Variants in CCBE1 observed in about 807,000 individuals in gnomAD.
The protein encoded by CCBE1 is collagen and calcium binding EGF domains 1.
A neutral mutation model predicts 50.0 loss-of-function variants in CCBE1; 37 were observed. The ratio of observed to expected loss-of-function variants is 0.74; its 90% CI spans 0.57 to 0.97. The LOEUF is 0.97. CCBE1 is among the 50% of genes least tolerant of loss of function. The pLI is 0.00. For missense variants in CCBE1, 538 were observed against 523.8 expected (o/e 1.03, Z -0.26); for synonymous variants, 234 against 203.7 (o/e 1.15, Z -1.27).
intron 2 of CCBE1, among the ~76,000 whole-genome samples, chr18:59,609,361 A>C (rs114235707): frequency 5.3e-5 from 8 of 152,204 alleles, no homozygotes; most frequent in Admixed American, 1.3e-4. Context: ...CAGATGTGTC[A>C]AACTTAGTAG....
intron 2 of CCBE1, among the ~76,000 whole-genome samples, chr18:59,613,990 C>A (rs2053605512): frequency 6.8e-6 from 1 of 148,112 alleles, no homozygotes; most frequent in East Asian, 2.1e-4. Flanking sequence ...TCTCGTTCTT[C>A]AGCCACCTGA....
intron 2 of CCBE1, among the ~76,000 whole-genome samples, chr18:59,569,350 A>C (rs2052873825): frequency 6.6e-6 from 1 of 152,250 alleles, no homozygotes; most frequent in Non-Finnish European, 1.5e-5. Flanking sequence ...TCTGGTAATA[A>C]AAACAGATAT....
chr18:59,572,003 C>A (rs145766105), intron 2 of CCBE1, among the ~76,000 whole-genome samples: 15 of 152,282 alleles, frequency 9.9e-5, no homozygotes, highest in African/African-American at 3.4e-4. Context: ...CAGCCTACAT[C>A]CTTTTCAGAA....
chr18:59,483,760 G>A (rs11873758), intron 2 of CCBE1, among the ~76,000 whole-genome samples: 7,638 of 152,232 alleles, frequency 0.05, 278 homozygotes, highest in Middle Eastern at 0.11. Context: ...AGTGGTGGTA[G>A]ATATCTTACT....
chr18:59,573,110 C>A (rs1008597414), intron 2 of CCBE1, among the ~76,000 whole-genome samples: 2 of 151,288 alleles, frequency 1.3e-5, no homozygotes, highest in African/African-American at 2.4e-5. Context: ...CATGGTAAAA[C>A]CCTGTCTCTA....
At chr18:59,577,428 G>T (rs73961262) in intron 2 of CCBE1, among the ~76,000 whole-genome samples, 3,767 of 152,260 alleles carry the variant, frequency 0.025, 164 homozygotes, top group African/African-American at 0.087. Context: ...AGCTTAAGCT[G>T]CCCCTGATTG....
intron 5 of CCBE1, among the ~76,000 whole-genome samples, chr18:59,463,727 C>G (rs1353796530): frequency 2.0e-5 from 3 of 152,204 alleles, no homozygotes; most frequent in Admixed American, 1.3e-4. Flanking sequence ...ACCTAACCCC[C>G]AGCAGTATTG....
rs148366699 is a variant in CCBE1, at chr18:59,447,000, C to T, written c.775+983G>A. Among the ~76,000 whole-genome samples the T allele has an allele frequency of 2.4e-4, 37 of 152,286 alleles. No homozygotes were observed. The East Asian group carries it at 7.1e-3, about 29-fold the overall frequency. The stretch of plus-strand genomic sequence containing the variant: ...AGTGTGGAGAAAAAAGTCTATTGCT[C>T]TATACCTCCATAAGTACTAAAAATA... On this transcript the variant is annotated intron_variant, in intron 7 of 10. Coordinates refer to ENST00000439986, the MANE Select transcript of CCBE1 (RefSeq NM_133459.4).
At chr18:59,493,802 C>T (rs1406862584) in intron 2 of CCBE1, among the ~76,000 whole-genome samples, 1 of 152,168 alleles carries the variant, frequency 6.6e-6, no homozygotes, top group African/African-American at 2.4e-5. Context: ...CCCACAATTC[C>T]CACATGTCAT....
At chr18:59,494,667 G>A (rs1913263839) in intron 2 of CCBE1, among the ~76,000 whole-genome samples, 1 of 152,158 alleles carries the variant, frequency 6.6e-6, no homozygotes, top group Admixed American at 6.5e-5. Flanking sequence ...GAATGAATAT[G>A]AATTAAATCA....
At chr18:59,583,953 G>C (rs1335535525) in intron 2 of CCBE1, among the ~76,000 whole-genome samples, 1 of 151,990 alleles carries the variant, frequency 6.6e-6, no homozygotes, top group Non-Finnish European at 1.5e-5. Context: ...GATTCCTCAG[G>C]GATCTAGAAC....
At chr18:59,516,509 G>A (rs554096234) in intron 2 of CCBE1, among the ~76,000 whole-genome samples, 8 of 152,178 alleles carry the variant, frequency 5.3e-5, no homozygotes, top group Non-Finnish European at 1.2e-4. Flanking sequence ...GTGGATGGAC[G>A]TGAGTCATTA....
At chr18:59,477,840 G>C (rs1272058967) in intron 3 of CCBE1, among the ~76,000 whole-genome samples, 1 of 152,160 alleles carries the variant, frequency 6.6e-6, no homozygotes, top group African/African-American at 2.4e-5. Flanking sequence ...ATTAGGTATG[G>C]TTTAAGAAGA....
intron 2 of CCBE1, chr18:59,563,759 A>C (rs988265635): frequency 3.9e-5 from 6 of 152,204 alleles, no homozygotes; most frequent in African/African-American, 1.4e-4. Context: ...AGTCAGTAAA[A>C]CATGTGCAAC....
intron 2 of CCBE1, among the ~76,000 whole-genome samples, chr18:59,559,497 T>C (rs961695260): frequency 7.2e-5 from 11 of 152,202 alleles, no homozygotes; most frequent in Non-Finnish European, 1.5e-4. Context: ...ACAGAGTTAG[T>C]GCAAGTCATT....
chr18:59,569,061 C>A (rs2052869426), intron 2 of CCBE1, among the ~76,000 whole-genome samples: 1 of 152,182 alleles, frequency 6.6e-6, no homozygotes, highest in Middle Eastern at 3.2e-3. Context: ...CAGAGGGGTG[C>A]ATCTCGGGTT....
Position 59,573,525 on chromosome 18 carries a change from A to G in CCBE1, c.213-93287T>C, listed in dbSNP as rs146358376. Reference sequence around the variant, plus strand: ...TGTGTGAGCCAATTTCTTAAAATAAACTTCTCTGTTTCTCTGAGGACTCCT... The same window carrying G: ...TGTGTGAGCCAATTTCTTAAAATAAGCTTCTCTGTTTCTCTGAGGACTCCT... On this transcript the variant is annotated intron_variant, in intron 2 of 10. Transcript: ENST00000439986. Among the ~76,000 whole-genome samples the G allele has an allele frequency of 4.8e-3, 727 of 151,862 alleles. 8 individuals are homozygous for G. The highest frequency in any genetic ancestry group is 0.017 in the African/African-American group (684 of 41,396).
At chr18:59,459,229 T>G (rs1220234955) in intron 5 of CCBE1, 1 of 152,212 alleles carries the variant, frequency 6.6e-6, no homozygotes, top group African/African-American at 2.4e-5. Context: ...ACATCACCTT[T>G]TCAATACAGC....
chr18:59,476,514 C>A (rs1276711557), intron 3 of CCBE1, among the ~76,000 whole-genome samples: 1 of 151,864 alleles, frequency 6.6e-6, no homozygotes, highest in Non-Finnish European at 1.5e-5. Flanking sequence ...TTTGCAACTA[C>A]TCAACTCTGC....
Sources: gnomAD v4.1 joint callset for allele counts (sites outside exome capture counted in the v4.1 genomes callset) on GRCh38, gnomAD v4.1.1 for gene constraint, MANE v1.5 for transcripts, NCBI Gene and HGNC (gene_info 2026-07-23, HGNC 2026-07-21) for gene names.